TNKS: variants seen among roughly 807,000 people sequenced by gnomAD.
TNKS encodes the protein tankyrase.
A neutral mutation model predicts 135.8 loss-of-function variants in TNKS; 72 were observed. The observed-to-expected ratio is 0.53, with a 90% CI of 0.44 to 0.64. The LOEUF is 0.64. Among genes scored for constraint, TNKS ranks in the 30% least tolerant of loss-of-function variants. The pLI, the probability that TNKS is intolerant of heterozygous loss-of-function variation, is 0.00. For synonymous variants in TNKS, 849 were observed against 649.3 expected (o/e 1.31, Z -4.68); for missense variants, 1,769 against 1,674.0 (o/e 1.06, Z -0.99).
At chr8:9,654,812 A>G (rs1045869045) in intron 3 of TNKS, among the ~76,000 whole-genome samples, 1 of 152,228 alleles carries the variant, frequency 6.6e-6, no homozygotes, top group African/African-American at 2.4e-5. Context: ...TACAGCTCCC[A>G]GCGTGAGCGA....
At chr8:9,740,027 C>T (rs1414615859) in intron 17 of TNKS, among the ~76,000 whole-genome samples, 1 of 93,234 alleles carries the variant, frequency 1.1e-5, no homozygotes, top group African/African-American at 4.5e-5. Context: ...GCACAATGTG[C>T]ACATGTACCC....
intron 16 of TNKS, 75 bp downstream of exon 16, chr8:9,735,159 C>T (rs906698067): frequency 7.0e-7 from 1 of 1,423,820 alleles, no homozygotes; most frequent in African/African-American, 1.4e-5. Flanking sequence ...AAGACGAAAG[C>T]CATGCTGAAC....
At chr8:9,701,138 C>T (rs989594831) in intron 5 of TNKS, among the ~76,000 whole-genome samples, 1 of 152,002 alleles carries the variant, frequency 6.6e-6, no homozygotes, top group African/African-American at 2.4e-5. Context: ...AGGGTTTCAT[C>T]GTGTTAGCCA....
chr8:9,755,876 C>G (rs1413319931), intron 20 of TNKS, among the ~76,000 whole-genome samples: 1 of 152,202 alleles, frequency 6.6e-6, no homozygotes, highest in South Asian at 2.1e-4. Flanking sequence ...CCTATCTTCA[C>G]AGTTACTCTC....
At chr8:9,707,859 T>TATACCATTTACCATTTTG (rs775601897) in intron 8 of TNKS, among the ~76,000 whole-genome samples, 1 of 152,232 alleles carries the variant, frequency 6.6e-6, no homozygotes, top group Non-Finnish European at 1.5e-5. Context: ...TAAATATTTC[T>TATACCATTTACCATTTTG]GTAAATGTTT....
chr8:9,565,850 C>A (rs1404570088), intron 1 of TNKS, among the ~76,000 whole-genome samples: 1 of 151,888 alleles, frequency 6.6e-6, no homozygotes, highest in Non-Finnish European at 1.5e-5. Context: ...GAGCAAGACT[C>A]CGTCTCAAAA....
At chr8:9,708,601 G>T in intron 9 of TNKS, 109 bp downstream of exon 9, 1 of 1,160,772 alleles carries the variant, frequency 8.6e-7, no homozygotes, top group Non-Finnish European at 1.1e-6. Context: ...TGAAATGCCA[G>T]GAATTTGCAT....
At chr8:9,722,016 G>A (rs1804909530) in intron 12 of TNKS, among the ~76,000 whole-genome samples, 1 of 149,974 alleles carries the variant, frequency 6.7e-6, no homozygotes, top group South Asian at 2.1e-4. Context: ...TCGCGCCACT[G>A]CACTCCATCC....
intron 3 of TNKS, among the ~76,000 whole-genome samples, chr8:9,669,633 G>A (rs926973756): frequency 7.9e-5 from 12 of 152,194 alleles, no homozygotes; most frequent in African/African-American, 2.9e-4. Context: ...TCTGAACATA[G>A]TTATAGCAGA....
rs1447045348 is a variant in TNKS, at chr8:9,613,360, T to G, written c.899-2222T>G. Reference sequence around the variant, plus strand: ...CTGACCAGCACCTTTGCTTGTCACTTTATGTTCTAATTCAGTCCTCCTGGC... The same window carrying G: ...CTGACCAGCACCTTTGCTTGTCACTGTATGTTCTAATTCAGTCCTCCTGGC... On this transcript the variant is annotated intron_variant, in intron 2 of 26. Coordinates refer to ENST00000310430, the MANE Select transcript of TNKS (RefSeq NM_003747.3). Among the ~76,000 whole-genome samples, 7 of 152,180 alleles carry G rather than the reference T, an allele frequency of 4.6e-5. No individual in the cohort carries two copies. The East Asian group carries it at 1.3e-3, about 29-fold the overall frequency.
chr8:9,777,659 C>T lies in TNKS; in HGVS notation c.*923C>T, dbSNP rs112157776. 6.8e-3 allele frequency: 1,028 copies of T among 152,286 alleles called. 6 individuals carry two copies. Among genetic ancestry groups the T allele is most frequent in the Middle Eastern group, 0.02 (6 of 294 alleles). The allele number at this position is 152,286 out of a possible 1,614,324, so 9.4% of individuals were successfully genotyped here. ...TAAGGAGGGTGAGGAGCGTGTGGTTCTGTATCATGGCAGCCCCAATGGATC... is the reference window on the plus strand; with the variant it reads ...TAAGGAGGGTGAGGAGCGTGTGGTTTTGTATCATGGCAGCCCCAATGGATC... On this transcript the variant is annotated 3_prime_UTR_variant, in exon 27 of 27. Transcript: ENST00000310430.
intron 23 of TNKS, among the ~76,000 whole-genome samples, chr8:9,764,999 G>A (rs569830724): frequency 5.9e-5 from 9 of 152,260 alleles, no homozygotes; most frequent in South Asian, 2.1e-4. Context: ...TTCTGAAAGC[G>A]TCAAAGCTAC....
intron 3 of TNKS, among the ~76,000 whole-genome samples, chr8:9,625,209 G>C (rs1800011574): frequency 6.6e-6 from 1 of 152,046 alleles, no homozygotes; most frequent in Non-Finnish European, 1.5e-5. Flanking sequence ...TTTGTGCATA[G>C]AGTTGTTTTT....
chr8:9,644,282 G>C (rs1274237605), intron 3 of TNKS, among the ~76,000 whole-genome samples: 1 of 152,190 alleles, frequency 6.6e-6, no homozygotes, highest in Non-Finnish European at 1.5e-5. Context: ...GGCTCTGGTA[G>C]TGGCTGAGGT....
At chr8:9,719,857 CT>C (rs5889301) in intron 11 of TNKS, among the ~76,000 whole-genome samples, 1 of 151,958 alleles carries the variant, frequency 6.6e-6, no homozygotes, top group Non-Finnish European at 1.5e-5. Flanking sequence ...ATCCTCAAAT[CT>C]TTTTTTTGCT....
At chr8:9,627,123 C>T (rs537554603) in intron 3 of TNKS, among the ~76,000 whole-genome samples, 6 of 152,164 alleles carry the variant, frequency 3.9e-5, no homozygotes, top group Non-Finnish European at 8.8e-5. Flanking sequence ...TCCATGAAGA[C>T]TCACAGAGTT....
chr8:9,641,264 G>A (rs895432649), intron 3 of TNKS, among the ~76,000 whole-genome samples: 1 of 143,618 alleles, frequency 7.0e-6, no homozygotes, highest in Non-Finnish European at 1.5e-5. Flanking sequence ...TTTTATATAT[G>A]CATATGCTCA....
At chr8:9,767,970 A>C (rs1291325328) in intron 25 of TNKS, among the ~76,000 whole-genome samples, 1 of 151,974 alleles carries the variant, frequency 6.6e-6, no homozygotes, top group East Asian at 1.9e-4. Context: ...AAAAAAAAAA[A>C]AAAAAAGAAT....
At chr8:9,739,976 A>G (rs1424314444) in intron 17 of TNKS, among the ~76,000 whole-genome samples, 3 of 104,126 alleles carry the variant, frequency 2.9e-5, no homozygotes, top group African/African-American at 1.1e-4. Flanking sequence ...TAGTGGGTGC[A>G]GCGCACCAGC....
Sources: gnomAD v4.1 joint callset for allele counts (sites outside exome capture counted in the v4.1 genomes callset) on GRCh38, gnomAD v4.1.1 for gene constraint, MANE v1.5 for transcripts, NCBI Gene and HGNC (gene_info 2026-07-23, HGNC 2026-07-21) for gene names.